The following STRN variants were observed in gnomAD, a reference collection of about 807,000 sequenced individuals.
STRN encodes protein phosphatase 2 regulatory subunit B'''alpha.
Under a neutral mutation model 96.3 loss-of-function variants are expected in STRN, and 53 were observed. That is an observed-to-expected ratio of 0.55 (90% CI 0.44 to 0.69). The LOEUF (loss-of-function observed/expected upper bound fraction) is 0.69, where lower values mean the gene tolerates loss of function less well. Ranked by LOEUF, STRN falls within the 30% of genes least tolerant of loss-of-function variation. STRN has a pLI of 0.00. For synonymous variants in STRN, 428 were observed against 355.9 expected (o/e 1.20, Z -2.28); for missense variants, 987 against 963.9 (o/e 1.02, Z -0.32).
intron 10 of STRN, among the ~76,000 whole-genome samples, chr2:36,869,970 TAA>T (rs1160164455): frequency 6.6e-6 from 1 of 152,132 alleles, no homozygotes; most frequent in Admixed American, 6.5e-5. Flanking sequence ...TAATTCAATA[TAA>T]AAAGTGAATC....
In STRN at chr2:36,839,223, C is replaced by A. The variant is rs976296310; in HGVS notation, c.*10233G>T. Among the ~76,000 whole-genome samples the A allele has an allele frequency of 6.6e-6, 1 of 151,926 alleles. No individual in the cohort carries two copies. The highest frequency in any genetic ancestry group is 2.4e-5 in the African/African-American group (1 of 41,344). On this transcript the variant is annotated 3_prime_UTR_variant, in exon 18 of 18. Transcript: ENST00000263918. ...TTAACCTGAAAAACATCAAATCATCCCCCTTCCCTGCTCTATTTTTTTTCC... is the reference window on the plus strand; with the variant it reads ...TTAACCTGAAAAACATCAAATCATCACCCTTCCCTGCTCTATTTTTTTTCC...
chr2:36,845,082 T>C lies in STRN; in HGVS notation c.*4374A>G, dbSNP rs190764979. 2 of 152,290 alleles carry C rather than the reference T, an allele frequency of 1.3e-5. No homozygotes were observed. Among genetic ancestry groups the C allele is most frequent in the East Asian group, 3.9e-4 (2 of 5,192 alleles). 9.4% of individuals were successfully genotyped at this position (152,290 alleles called of 1,614,324 possible). ...AATGATTATGTACTTAATAGCCTTG[T>C]AGTCACTTTCAAAGAATAAAGTAAT... On this transcript the variant is annotated 3_prime_UTR_variant, in exon 18 of 18. Coordinates refer to ENST00000263918, the MANE Select transcript of STRN (RefSeq NM_003162.4).
rs1293730393 is a variant in STRN at position 36,839,595 on chromosome 2, C to T, written c.*9861G>A. Among the ~76,000 whole-genome samples, 1 of 151,994 alleles carries T rather than the reference C, an allele frequency of 6.6e-6. No homozygotes were observed. Among genetic ancestry groups the T allele is most frequent in the Non-Finnish European group, 1.5e-5 (1 of 67,990 alleles). On this transcript the variant is annotated 3_prime_UTR_variant, in exon 18 of 18. Coordinates refer to ENST00000263918, the MANE Select transcript of STRN (RefSeq NM_003162.4). The stretch of plus-strand genomic sequence containing the variant: ...AACCTAATTAGGCAGATCTATTATC[C>T]CCATTTCATAGATGAGAAGCCAATT...
Position 36,838,306 on chromosome 2 carries a change from T to C in STRN, c.*11150A>G, listed in dbSNP as rs1667867326. On this transcript the variant is annotated 3_prime_UTR_variant, in exon 18 of 18. Coordinates refer to ENST00000263918, the MANE Select transcript of STRN (RefSeq NM_003162.4). ...GGAAGCGAATTCCTCCTCAGAGCTT[T>C]AGTTGAGTACCCACCCTGGAAGACA... Among the ~76,000 whole-genome samples the C allele has an allele frequency of 6.6e-6, 1 of 152,194 alleles. No individual in the cohort carries two copies. Among genetic ancestry groups the C allele is most frequent in the Non-Finnish European group, 1.5e-5 (1 of 68,034 alleles).
At chr2:36,867,910 A>G (rs370156776) in intron 11 of STRN, 49 bp from the exon 12 acceptor site, 7 of 1,373,662 alleles carry the variant, frequency 5.1e-6, no homozygotes, top group East Asian at 2.4e-5. Flanking sequence ...AGTAAACAGT[A>G]TAATTAAACA....
rs1668174087 is a variant in STRN, at chr2:36,849,750, C to T, written c.2137G>A (p.Ala713Thr). ...AAGTAAAGGCCATTGGGATCAACTG[C>T]TAAACTTGTAACAGCTTCTAGGTGG... ...VAHLEAVTSL[A>T]VDPNGLYLMS... is the part of the protein sequence containing the mutation. Residue 713 changes from alanine (A) to threonine (T), a missense_variant, in exon 17 of 18, where the codon GCA becomes ACA. Transcript: ENST00000263918. The T allele has an allele frequency of 6.2e-7, 1 of 1,614,124 alleles. No individual in the cohort carries two copies. Among genetic ancestry groups the T allele is most frequent in the African/African-American group, 1.3e-5 (1 of 75,052 alleles).
chr2:36,966,140 G>C (rs1309758858), intron 1 of STRN, 90 bp downstream of exon 1: 1 of 1,278,800 alleles, frequency 7.8e-7, no homozygotes, highest in Non-Finnish European at 9.9e-7. Flanking sequence ...GGGGACGCGA[G>C]AAGGCTGGGG....
chr2:36,955,558 C>G (rs539425323), intron 1 of STRN, among the ~76,000 whole-genome samples: 6 of 152,324 alleles, frequency 3.9e-5, no homozygotes, highest in South Asian at 2.1e-4. Flanking sequence ...TTCCACCCCT[C>G]TCCTCCCTTC....
intron 11 of STRN, 119 bp from the exon 12 acceptor site, chr2:36,867,980 C>T (rs1668672335): frequency 4.8e-6 from 3 of 627,712 alleles, no homozygotes; most frequent in Admixed American, 3.1e-5. Flanking sequence ...TTCTCAACTA[C>T]ACGATACGTA....
At position 36,949,207 on chromosome 2, in the gene STRN, T is replaced by C. The variant is rs1437120540; in HGVS notation, c.234+17023A>G. ...CCTAGGAGCAATAGGCTATGCCATA[T>C]AGCCTAGGTATGTAGCAGGCTATAC... On this transcript the variant is annotated intron_variant, in intron 1 of 17. Transcript: ENST00000263918. Among the ~76,000 whole-genome samples, 4 of 152,230 alleles carry C rather than the reference T, an allele frequency of 2.6e-5. No individual in the cohort carries two copies. The East Asian group carries it at 5.8e-4, about 22-fold the overall frequency.
At chr2:36,922,649 G>A (rs1670292126) in intron 2 of STRN, among the ~76,000 whole-genome samples, 3 of 151,810 alleles carry the variant, frequency 2.0e-5, no homozygotes, top group South Asian at 2.1e-4. Context: ...GTCATCAACT[G>A]AGAGGAGGAC....
chr2:36,915,274 A>C (rs1447670826), intron 3 of STRN, among the ~76,000 whole-genome samples: 1 of 96,658 alleles, frequency 1.0e-5, no homozygotes, highest in African/African-American at 3.0e-5. Flanking sequence ...TATATATATA[A>C]AGCCTCTAGC....
intron 6 of STRN, among the ~76,000 whole-genome samples, chr2:36,894,611 A>G (rs1013752076): frequency 6.6e-6 from 1 of 152,236 alleles, no homozygotes; most frequent in African/African-American, 2.4e-5. Flanking sequence ...CTTTACCAAC[A>G]TGGGCCTAAA....
chr2:36,942,016 G>A (rs951972933), intron 1 of STRN, among the ~76,000 whole-genome samples: 3 of 152,034 alleles, frequency 2.0e-5, no homozygotes, highest in Admixed American at 2.0e-4. Context: ...AATCTGGAAC[G>A]CCAAGGGCCT....
chr2:36,868,010 A>C, intron 11 of STRN, 149 bp from the exon 12 acceptor site: 1 of 464,360 alleles, frequency 2.2e-6, no homozygotes, highest in Non-Finnish European at 3.7e-6. Context: ...ACTTAACACC[A>C]ATTATACTTT....
chr2:36,850,121 C>G (rs983848548), intron 16 of STRN, among the ~76,000 whole-genome samples: 2 of 152,168 alleles, frequency 1.3e-5, no homozygotes, highest in Non-Finnish European at 2.9e-5. Flanking sequence ...ACTTTGCATT[C>G]TTTAGCTACT....
intron 1 of STRN, among the ~76,000 whole-genome samples, chr2:36,956,019 T>C (rs1211975228): frequency 6.6e-6 from 1 of 152,244 alleles, no homozygotes; most frequent in Admixed American, 6.5e-5. Context: ...TATGGATTTT[T>C]CCACTTGTGA....
chr2:36,861,818 C>G (rs1668489934), intron 12 of STRN, among the ~76,000 whole-genome samples: 1 of 151,892 alleles, frequency 6.6e-6, no homozygotes, highest in South Asian at 2.1e-4. Flanking sequence ...CAGGTTGGTA[C>G]TATAGATAAA....
intron 1 of STRN, among the ~76,000 whole-genome samples, chr2:36,958,703 A>G (rs1369716249): frequency 1.3e-5 from 2 of 152,230 alleles, no homozygotes; most frequent in African/African-American, 2.4e-5. Context: ...CAAAAACCCA[A>G]AAGGAGAAGA....
Sources: gnomAD v4.1 joint callset for allele counts (sites outside exome capture counted in the v4.1 genomes callset) on GRCh38, gnomAD v4.1.1 for gene constraint, MANE v1.5 for transcripts, NCBI Gene and HGNC (gene_info 2026-07-23, HGNC 2026-07-21) for gene names.